Variants in ARHGEF10 observed in about 807,000 individuals in gnomAD.
ARHGEF10 encodes Rho guanine nucleotide exchange factor (GEF) 10.
ARHGEF10 carries 140 observed loss-of-function variants against 147.4 expected under a neutral mutation model. The observed-to-expected ratio is 0.95, with a 90% CI of 0.83 to 1.09. ARHGEF10 has a LOEUF of 1.09. Among genes scored for constraint, ARHGEF10 ranks in the 50% least tolerant of loss-of-function variants. ARHGEF10 has a pLI of 0.00. For synonymous variants in ARHGEF10, 902 were observed against 695.8 expected, an observed-to-expected ratio of 1.30 and a Z score of -4.67; for missense variants, 2,222 against 1,752.7, an observed-to-expected ratio of 1.27 and a Z score of -4.78.
At position 1,937,978 on chromosome 8, in the gene ARHGEF10, C is replaced by T. The variant is rs998264364; in HGVS notation, c.3222+4036C>T. Among the ~76,000 whole-genome samples the T allele has an allele frequency of 1.3e-5, 2 of 152,208 alleles. No individual in the cohort carries two copies. The highest frequency in any genetic ancestry group is 2.9e-5 in the Non-Finnish European group (2 of 68,044). Reference sequence around the variant, plus strand: ...TCCCAGCTCTGGCGCCATAACAAAGCAGCACTGGGCGAACCAGTAGAGACG... The same window carrying T: ...TCCCAGCTCTGGCGCCATAACAAAGTAGCACTGGGCGAACCAGTAGAGACG... On this transcript the variant is annotated intron_variant, in intron 26 of 28. Transcript: ENST00000349830. This position sits in a 1 kb window ranked among gnomAD's most constrained non-coding sequence, Gnocchi z 4.9.
rs1245554875 is a variant in ARHGEF10, at chr8:1,894,458, G to C, written c.1326G>C (p.Val442=). Residue 442 remains valine, a synonymous_variant, in exon 13 of 29, where the codon GTG becomes GTC. Coordinates refer to ENST00000349830, the MANE Select transcript of ARHGEF10 (RefSeq NM_014629.4). ...KVLSERKLKT[V]FYRVKEILQC... is the part of the protein sequence containing the mutation. ...TGAGTGAGAGGAAGCTGAAGACGGTGTTCTACCGAGTCAAAGAGATCCTGC... is the reference window on the plus strand; with the variant it reads ...TGAGTGAGAGGAAGCTGAAGACGGTCTTCTACCGAGTCAAAGAGATCCTGC... 1.2e-6 allele frequency: 2 copies of C among 1,614,244 alleles called. No homozygotes were observed. The highest frequency in any genetic ancestry group is 2.2e-5 in the East Asian group (1 of 44,874).
At chr8:1,869,364 T>C (rs770067431) in intron 7 of ARHGEF10, 114 bp downstream of exon 7, 1 of 898,574 alleles carries the variant, frequency 1.1e-6, no homozygotes, top group African/African-American at 1.6e-5. Context: ...TCATGTTTTG[T>C]ATGTTGCTTC....
chr8:1,862,695 C>A (rs982540675), intron 4 of ARHGEF10, among the ~76,000 whole-genome samples: 5 of 152,124 alleles, frequency 3.3e-5, no homozygotes, highest in African/African-American at 1.2e-4. Context: ...CTGGGCAGCA[C>A]GTCCTGCCTT....
At chr8:1,892,032 A>G (rs1809571768) in intron 11 of ARHGEF10, among the ~76,000 whole-genome samples, 1 of 149,180 alleles carries the variant, frequency 6.7e-6, no homozygotes, top group Admixed American at 6.7e-5. Context: ...ATAACATATT[A>G]TATATATTAC....
Position 1,858,070 on chromosome 8 carries a change from C to A in ARHGEF10, c.148C>A (p.Pro50Thr). 1 of 1,613,644 alleles carries A rather than the reference C, an allele frequency of 6.2e-7. No individual in the cohort carries two copies. The highest frequency in any genetic ancestry group is 8.5e-7 in the Non-Finnish European group (1 of 1,179,912). ...PEADRQAPSA[P>T]ETGGAGASEA... The stretch of plus-strand genomic sequence containing the variant: ...AGCGGACAGACAGGCCCCATCCGCC[C>A]CTGAGACAGGAGGTGCTGGAGCCAG... The change falls in exon 3 of 29, where the codon CCT becomes ACT. Residue 50 changes from proline (P) to threonine (T), a missense_variant. Coordinates refer to ENST00000349830, the MANE Select transcript of ARHGEF10 (RefSeq NM_014629.4).
chr8:1,894,706 G>A, intron 13 of ARHGEF10, 134 bp downstream of exon 13: 1 of 1,006,730 alleles, frequency 9.9e-7, no homozygotes, highest in East Asian at 2.5e-5. Context: ...AGGCCAGGCT[G>A]AAGTTGCAAT....
At position 1,860,063 on chromosome 8, in the gene ARHGEF10, T is replaced by A. The variant is rs779284070; in HGVS notation, c.360T>A (p.His120Gln). 5.0e-6 allele frequency: 8 copies of A among 1,614,122 alleles called. No homozygotes were observed. The highest frequency in any genetic ancestry group is 6.8e-6 in the Non-Finnish European group (8 of 1,179,994). ...CTGAGGAGGAGAATGTGGGTCTCCA[T>A]GTGCCCTGCGGGTACTTGGTGCCTG... ...PSAEEENVGL[H>Q]VPCGYLVPVP... The change falls in exon 4 of 29, where the codon CAT becomes CAA. Residue 120 changes from histidine (H) to glutamine (Q), a missense_variant. Physicochemically the swap from His to Gln is conservative, Grantham distance 24. Transcript: ENST00000349830.
intron 26 of ARHGEF10, among the ~76,000 whole-genome samples, chr8:1,944,111 G>A (rs181567770): frequency 2.5e-3 from 95 of 37,338 alleles, no homozygotes; most frequent in Middle Eastern, 0.017. Flanking sequence ...CTCCCGCACT[G>A]TGTCGCCTCC....
chr8:1,861,550 A>T (rs1806133688), intron 4 of ARHGEF10, among the ~76,000 whole-genome samples: 1 of 152,232 alleles, frequency 6.6e-6, no homozygotes, highest in East Asian at 1.9e-4. Context: ...GGAAGCCCAC[A>T]GCCTCTACGC....
At chr8:1,895,810 T>G (rs763761135) in intron 13 of ARHGEF10, among the ~76,000 whole-genome samples, 8 of 152,226 alleles carry the variant, frequency 5.3e-5, no homozygotes, top group Non-Finnish European at 8.8e-5. Context: ...GGCAAATGTT[T>G]CTGCCTCTTA....
chr8:1,918,330 G>T (rs1029295755), intron 18 of ARHGEF10, among the ~76,000 whole-genome samples: 5 of 152,102 alleles, frequency 3.3e-5, no homozygotes, highest in Non-Finnish European at 7.3e-5. Flanking sequence ...TGATCCGGCA[G>T]ACATAAAACG....
At chr8:1,946,046 G>A in intron 27 of ARHGEF10, 1 of 371,260 alleles carries the variant, frequency 2.7e-6, no homozygotes, top group South Asian at 2.4e-5. Flanking sequence ...TTGGCTGGGA[G>A]GGCTGTTGGG....
chr8:1,831,277 G>A (rs537165148), intron 1 of ARHGEF10, among the ~76,000 whole-genome samples: 53 of 145,458 alleles, frequency 3.6e-4, no homozygotes, highest in Middle Eastern at 7.3e-3. Flanking sequence ...GAGGGACAGT[G>A]TGACGGCTGT....
In ARHGEF10 at chr8:1,831,305, TCCATGGAGGGACAGTGGCAG is replaced by T. The variant is rs1241205696; in HGVS notation, c.-48+7197_-48+7216del. 2.5e-3 allele frequency among the ~76,000 whole-genome samples: 330 copies of T among 131,318 alleles called. 1 individual carries two copies. Among genetic ancestry groups the T allele is most frequent in the African/African-American group, 9.2e-3 (312 of 33,798 alleles). 86.1% of individuals were successfully genotyped at this position (131,318 alleles called of 152,430 possible). A position where few individuals can be genotyped will look rare whatever the true frequency, so the allele number is the denominator to read the frequency against. ...ACGGCTGTGGAGGGACAGTGTGACA[TCCATGGAGGGACAGTGGCAG>T]CCATAGAGGGACAGTGTGACGGCCA... On this transcript the variant is annotated intron_variant, in intron 1 of 28. Coordinates refer to ENST00000349830, the MANE Select transcript of ARHGEF10 (RefSeq NM_014629.4).
intron 7 of ARHGEF10, among the ~76,000 whole-genome samples, chr8:1,874,051 C>T (rs904226793): frequency 2.6e-5 from 4 of 152,190 alleles, no homozygotes; most frequent in Non-Finnish European, 5.9e-5. Context: ...GCTGCCTGGT[C>T]ACTGGCTTGG....
At position 1,882,474 on chromosome 8, in the gene ARHGEF10, T is replaced by A. The variant is rs1279506620; in HGVS notation, c.961-161T>A. On this transcript the variant is annotated intron_variant, in intron 9 of 28. Transcript: ENST00000349830. ...TTTTAAGGTCTGTTTTTTCCTTTTTTCCAACAAACAAAACCAAAACAAAAC... is the reference window on the plus strand; with the variant it reads ...TTTTAAGGTCTGTTTTTTCCTTTTTACCAACAAACAAAACCAAAACAAAAC... Among the ~76,000 whole-genome samples the A allele has an allele frequency of 2.6e-5, 4 of 152,270 alleles. No individual in the cohort carries two copies. In the East Asian group the frequency reaches 7.7e-4, roughly 29 times the overall value.
chr8:1,860,309 C>G, intron 4 of ARHGEF10, 125 bp downstream of exon 4: 1 of 1,301,832 alleles, frequency 7.7e-7, no homozygotes, highest in Admixed American at 1.9e-5. Flanking sequence ...CCGTAGAGTC[C>G]GGGCCTGACC....
At chr8:1,933,229 T>A (rs1813293229) in intron 25 of ARHGEF10, among the ~76,000 whole-genome samples, 2 of 152,218 alleles carry the variant, frequency 1.3e-5, no homozygotes, top group African/African-American at 2.4e-5. Context: ...ATATGGCCTC[T>A]CTTCGTGATG....
intron 14 of ARHGEF10, 63 bp downstream of exon 14, chr8:1,896,512 C>A: frequency 8.7e-7 from 1 of 1,152,102 alleles, no homozygotes; most frequent in Non-Finnish European, 1.3e-6. Flanking sequence ...CATGTCAAAG[C>A]TTGACTCTGA....
Sources: allele counts gnomAD v4.1 joint callset (sites outside exome capture counted in the v4.1 genomes callset), GRCh38; gene constraint gnomAD v4.1.1; non-coding constraint Gnocchi (gnomAD v3.1); transcripts MANE v1.5; gene names NCBI Gene and HGNC (gene_info 2026-07-23, HGNC 2026-07-21).